Variants in SPECC1L observed in about 807,000 individuals in gnomAD.
The protein encoded by SPECC1L is sperm antigen with calponin homology and coiled-coil domains 1 like, also known as cytospin-A.
In SPECC1L, 40 loss-of-function variants were observed where a neutral mutation model predicts 116.8. The ratio of observed to expected loss-of-function variants is 0.34; its 90% CI spans 0.27 to 0.45. The LOEUF (loss-of-function observed/expected upper bound fraction) is 0.45. Ranked by LOEUF, SPECC1L falls within the 20% of genes least tolerant of loss-of-function variation. The probability of loss-of-function intolerance (pLI) is 1.00; values close to 1 mark genes in which losing one functional copy is unlikely to be tolerated. For missense variants in SPECC1L, 1,110 were observed against 1,373.6 expected (o/e 0.81, Z 3.03); for synonymous variants, 504 against 500.6 (o/e 1.01, Z -0.09).
At chr22:24,411,914 C>T (rs1173448427) in intron 15 of SPECC1L, among the ~76,000 whole-genome samples, 1 of 152,254 alleles carries the variant, frequency 6.6e-6, no homozygotes. Context: ...TTCAGAATTC[C>T]CCAAGTGATA....
At chr22:24,396,695 A>G (rs73167602) in intron 14 of SPECC1L, among the ~76,000 whole-genome samples, 1 of 152,086 alleles carries the variant, frequency 6.6e-6, no homozygotes, top group African/African-American at 2.4e-5. Flanking sequence ...TCAACACTCC[A>G]GTTTGTGATT....
At chr22:24,319,788 G>T (rs2040683144) in intron 4 of SPECC1L, among the ~76,000 whole-genome samples, 1 of 152,196 alleles carries the variant, frequency 6.6e-6, no homozygotes, top group South Asian at 2.1e-4. Context: ...CCCTCTATCT[G>T]TGGAGATCAT....
At position 24,272,324 on chromosome 22, in the gene SPECC1L, C is replaced by T. The variant is rs367898242; in HGVS notation, c.-142+1341C>T. Among the ~76,000 whole-genome samples, 616 of 152,248 alleles carry T rather than the reference C, an allele frequency of 4.0e-3. 26 individuals carry two copies. In the South Asian group the frequency reaches 0.1, roughly 26 times the overall value. On this transcript the variant is annotated intron_variant, in intron 1 of 16. Transcript: ENST00000314328. ...AGGTTGCAGTGAGCCGAGTTCGCGCCACTGTACCCCAGCCTGGGCTACAGA... is the reference window on the plus strand; with the variant it reads ...AGGTTGCAGTGAGCCGAGTTCGCGCTACTGTACCCCAGCCTGGGCTACAGA...
intron 2 of SPECC1L, among the ~76,000 whole-genome samples, chr22:24,291,384 C>A (rs1048490233): frequency 6.6e-6 from 1 of 152,096 alleles, no homozygotes; most frequent in African/African-American, 2.4e-5. Context: ...CAATCCAGGT[C>A]TCTTGATTTT....
chr22:24,319,357 C>A (rs1296420760), intron 4 of SPECC1L, among the ~76,000 whole-genome samples: 1 of 152,162 alleles, frequency 6.6e-6, no homozygotes, highest in Non-Finnish European at 1.5e-5. Flanking sequence ...CCCTTACCAT[C>A]GGCTGTCATG....
chr22:24,396,798 A>G (rs1207788), intron 14 of SPECC1L, among the ~76,000 whole-genome samples: 151,971 of 152,276 alleles, frequency 1, 75,842 homozygotes, highest in Non-Finnish European at 1. Flanking sequence ...GGTCCTCAAC[A>G]CTCTTTATCT....
At chr22:24,376,063 C>T (rs983208545) in intron 14 of SPECC1L, among the ~76,000 whole-genome samples, 3 of 152,176 alleles carry the variant, frequency 2.0e-5, no homozygotes, top group South Asian at 2.1e-4. Flanking sequence ...GAAAGAATGT[C>T]GTTTATCACC....
At chr22:24,372,482 A>T (rs1601300380) in intron 14 of SPECC1L, among the ~76,000 whole-genome samples, 1 of 152,232 alleles carries the variant, frequency 6.6e-6, no homozygotes, top group African/African-American at 2.4e-5. Flanking sequence ...ACGCAAATCA[A>T]TAAATGTAAT....
intron 14 of SPECC1L, among the ~76,000 whole-genome samples, chr22:24,406,057 T>C (rs564045551): frequency 6.6e-6 from 1 of 152,262 alleles, no homozygotes; most frequent in Admixed American, 6.5e-5. Flanking sequence ...TTTAGCTTTT[T>C]TCCTCAATTG....
rs143520953 is a variant in SPECC1L at position 24,415,011 on chromosome 22, G to A, written c.*388G>A. On this transcript the variant is annotated 3_prime_UTR_variant, in exon 17 of 17. Transcript: ENST00000314328. Reference sequence around the variant, plus strand: ...TGGGAAACTCACTAGGGTTGATGAAGGCTCGGCCGCGGCACTTCCTGACTA... The same window carrying A: ...TGGGAAACTCACTAGGGTTGATGAAAGCTCGGCCGCGGCACTTCCTGACTA... The A allele has an allele frequency of 3.8e-6, 1 of 265,740 alleles. No individual in the cohort carries two copies. Among genetic ancestry groups the A allele is most frequent in the East Asian group, 8.8e-5 (1 of 11,368 alleles). The allele number at this position is 265,740 out of a possible 1,614,324, so 16.5% of individuals were successfully genotyped here. A position where few individuals can be genotyped will look rare whatever the true frequency, so the allele number is the denominator to read the frequency against.
At chr22:24,379,567 T>C (rs978118325) in intron 14 of SPECC1L, among the ~76,000 whole-genome samples, 6 of 152,190 alleles carry the variant, frequency 3.9e-5, no homozygotes, top group Admixed American at 6.5e-5. Flanking sequence ...TTTGAAGTTT[T>C]TTCCATTTAC....
intron 14 of SPECC1L, among the ~76,000 whole-genome samples, chr22:24,395,394 A>G (rs2042347630): frequency 6.6e-6 from 1 of 152,150 alleles, no homozygotes; most frequent in Non-Finnish European, 1.5e-5. Flanking sequence ...ATTTAAGAGC[A>G]CCTTGAAAAC....
At chr22:24,413,719 G>C (rs1342976182) in intron 16 of SPECC1L, among the ~76,000 whole-genome samples, 1 of 152,168 alleles carries the variant, frequency 6.6e-6, no homozygotes, top group African/African-American at 2.4e-5. Context: ...AAAAAAAGCA[G>C]GCCTTTTTCC....
At chr22:24,330,649 A>G (rs868759998) in intron 8 of SPECC1L, among the ~76,000 whole-genome samples, 1 of 151,960 alleles carries the variant, frequency 6.6e-6, no homozygotes, top group Non-Finnish European at 1.5e-5. Flanking sequence ...GTGATCCCCA[A>G]CTCTGGAGGG....
chr22:24,355,745 G>A (rs2041520041), intron 11 of SPECC1L, among the ~76,000 whole-genome samples: 2 of 151,868 alleles, frequency 1.3e-5, no homozygotes, highest in Non-Finnish European at 2.9e-5. Context: ...GGTCTGTCAT[G>A]GTTTCGTAAT....
intron 10 of SPECC1L, among the ~76,000 whole-genome samples, chr22:24,346,628 TTGGGGACGGGAAGAGGGG>T (rs1159683202): frequency 1.3e-5 from 2 of 151,934 alleles, no homozygotes; most frequent in Non-Finnish European, 2.9e-5. Flanking sequence ...TGATAGGGGG[TTGGGGACGGGAAGAGGGG>T]TGTGACTGTA....
intron 14 of SPECC1L, among the ~76,000 whole-genome samples, chr22:24,378,804 AACATCAAAGACCACTGGTCAT>A (rs1490463938): frequency 6.6e-6 from 1 of 152,230 alleles, no homozygotes; most frequent in African/African-American, 2.4e-5. Context: ...TTACTATAGT[AACATCAAAGACCACTGGTCAT>A]ACATCACCAT....
chr22:24,290,846 A>G (rs1159011784), intron 2 of SPECC1L, among the ~76,000 whole-genome samples: 1 of 152,238 alleles, frequency 6.6e-6, no homozygotes, highest in Admixed American at 6.5e-5. Flanking sequence ...ATATAGGATC[A>G]ATCCATTACA....
intron 14 of SPECC1L, among the ~76,000 whole-genome samples, chr22:24,396,642 G>C (rs1210262768): frequency 2.6e-5 from 4 of 152,068 alleles, no homozygotes; most frequent in Admixed American, 2.6e-4. Flanking sequence ...TTATTTCCAG[G>C]CCTTTTAAAA....
Sources: gnomAD v4.1 joint callset for allele counts (sites outside exome capture counted in the v4.1 genomes callset) on GRCh38, gnomAD v4.1.1 for gene constraint, MANE v1.5 for transcripts, NCBI Gene and HGNC (gene_info 2026-07-23, HGNC 2026-07-21) for gene names.